PRR27: variants seen among roughly 807,000 people sequenced by gnomAD.
PRR27 encodes proline rich 27, also known as proline-rich protein 27.
Under a neutral mutation model 16.8 loss-of-function variants are expected in PRR27, and 12 were observed. The observed-to-expected ratio is 0.71, with a 90% CI of 0.46 to 1.16. The LOEUF is 1.16. Ranked by LOEUF, PRR27 falls within the 50% of genes most tolerant of loss-of-function variation. The pLI, the probability that PRR27 is intolerant of heterozygous loss-of-function variation, is 0.00. For synonymous variants in PRR27, 100 were observed against 98.4 expected (o/e 1.02, Z -0.10); for missense variants, 277 against 273.3 (o/e 1.01, Z -0.10).
chr4:70,156,755 AG>A (rs1728490862), intron 2 of PRR27, among the ~76,000 whole-genome samples: 1 of 152,200 alleles, frequency 6.6e-6, no homozygotes. Context: ...AAAGCTCAAG[AG>A]ACATAATCTG....
In PRR27 at chr4:70,165,921, T is replaced by C. The variant is rs545680494; in HGVS notation, c.*3260T>C. 6.6e-6 allele frequency: 1 copy of C among 152,240 alleles called. No individual in the cohort carries two copies. Among genetic ancestry groups the C allele is most frequent in the Admixed American group, 6.5e-5 (1 of 15,270 alleles). The allele number at this position is 152,240 out of a possible 1,614,324, so 9.4% of individuals were successfully genotyped here. On this transcript the variant is annotated 3_prime_UTR_variant, in exon 5 of 5. Transcript: ENST00000344526. ...ACTATACATCCTTTCTTCTATTTCTTTCTTTTGTGGCCAGAAAGTCAGGAC... is the reference window on the plus strand; with the variant it reads ...ACTATACATCCTTTCTTCTATTTCTCTCTTTTGTGGCCAGAAAGTCAGGAC...
intron 1 of PRR27, chr4:70,154,778 T>A: frequency 6.9e-6 from 9 of 1,312,072 alleles, no homozygotes; most frequent in Non-Finnish European, 9.0e-6. Context: ...GGCTGTGAAG[T>A]GCCATTGCTG....
chr4:70,158,417 A>G lies in PRR27; in HGVS notation c.165A>G (p.Pro55=). The G allele has an allele frequency of 6.2e-7, 1 of 1,613,898 alleles. No individual in the cohort carries two copies. The highest frequency in any genetic ancestry group is 8.5e-7 in the Non-Finnish European group (1 of 1,179,860). The change falls in exon 3 of 5, where the codon CCA becomes CCG. Residue 55 remains proline (P), a synonymous_variant. Coordinates refer to ENST00000344526, the MANE Select transcript of PRR27 (RefSeq NM_214711.4). ...TACCACCTCCTCTTTATTATCGCCC[A>G]GTGAATACAGTCCCCAGTTACCCTG... The part of the protein sequence containing the change: ...RNLPPPLYYR[P]VNTVPSYPGN...
chr4:70,155,027 T>C (rs781319220), intron 1 of PRR27, among the ~76,000 whole-genome samples: 6 of 152,172 alleles, frequency 3.9e-5, no homozygotes, highest in Non-Finnish European at 7.4e-5. Flanking sequence ...ATAACATTGT[T>C]TTAAAGATTT....
Position 70,162,804 on chromosome 4 carries a change from G to A in PRR27, c.*143G>A, listed in dbSNP as rs1275460943. The A allele has an allele frequency of 6.6e-6, 1 of 151,858 alleles. No homozygotes were observed. The highest frequency in any genetic ancestry group is 1.5e-5 in the Non-Finnish European group (1 of 67,982). 9.4% of individuals were successfully genotyped at this position (151,858 alleles called of 1,614,324 possible). A position where few individuals can be genotyped will look rare whatever the true frequency, so the allele number is the denominator to read the frequency against. On this transcript the variant is annotated 3_prime_UTR_variant, in exon 5 of 5. Coordinates refer to ENST00000344526, the MANE Select transcript of PRR27 (RefSeq NM_214711.4). ...ATCTCACTACATTGATTTGTTTGTG[G>A]TAGTTTTTCCTTGGACTTAATTTAT...
intron 2 of PRR27, among the ~76,000 whole-genome samples, chr4:70,157,400 A>T (rs538863312): frequency 6.6e-6 from 1 of 151,042 alleles, no homozygotes; most frequent in African/African-American, 2.4e-5. Context: ...ACCCTGAGGG[A>T]CAATCTACAT....
chr4:70,156,229 G>A, intron 2 of PRR27, 152 bp downstream of exon 2: 3 of 449,324 alleles, frequency 6.7e-6, no homozygotes, highest in Non-Finnish European at 1.2e-5. Flanking sequence ...CGATTTGATA[G>A]AAAATATTTA....
chr4:70,158,235 T>A lies in PRR27; in HGVS notation c.76-93T>A, dbSNP rs564856221. The A allele has an allele frequency of 5.0e-6, 4 of 795,116 alleles. No individual in the cohort carries two copies. The Admixed American group carries it at 6.9e-5, about 14-fold the overall frequency. The allele number at this position is 795,116 out of a possible 1,614,324, so 49.3% of individuals were successfully genotyped here. A position where few individuals can be genotyped will look rare whatever the true frequency, so the allele number is the denominator to read the frequency against. On this transcript the variant is annotated intron_variant, in intron 2 of 4. Transcript: ENST00000344526. ...AAGACATTGGAATTCTTTCAAAATA[T>A]CATTACTTATCATATATCATCACAG...
chr4:70,159,160 T>C lies in PRR27; in HGVS notation c.648+260T>C, dbSNP rs1728575313. On this transcript the variant is annotated intron_variant, in intron 3 of 4. Coordinates refer to ENST00000344526, the MANE Select transcript of PRR27 (RefSeq NM_214711.4). ...AGTCAAAAGTTTCCTCCTGTTCCTC[T>C]GTAATCCCACATTCCCCATCCTCCC... 2.6e-5 allele frequency among the ~76,000 whole-genome samples: 4 copies of C among 152,190 alleles called. No homozygotes were observed. In the South Asian group the frequency reaches 8.3e-4, roughly 31 times the overall value.
At chr4:70,160,443 C>CTGTGTGTGTGTGTGTGTGTGTGTGTG (rs71210150) in intron 3 of PRR27, among the ~76,000 whole-genome samples, 3 of 68,678 alleles carry the variant, frequency 4.4e-5, no homozygotes, top group African/African-American at 1.5e-4. Flanking sequence ...CTCTCTCTCT[C>CTGTGTGTGTGTGTGTGTGTGTGTGTG]TGTGTGTGTG....
At chr4:70,154,614 G>A (rs1000849262) in intron 1 of PRR27, 188 bp downstream of exon 1, 4 of 833,422 alleles carry the variant, frequency 4.8e-6, no homozygotes, top group Admixed American at 2.3e-5. Flanking sequence ...TAAAGTTGTA[G>A]TATCTGAAAA....
rs557085950 is a variant in PRR27, at chr4:70,160,979, T to C, written c.649-607T>C. ...TTGTTACCTAGAAGGAGATAAGAACTCTTTTTCTTTTAAGATATTCACCAA... is the reference window on the plus strand; with the variant it reads ...TTGTTACCTAGAAGGAGATAAGAACCCTTTTTCTTTTAAGATATTCACCAA... On this transcript the variant is annotated intron_variant, in intron 3 of 4. Transcript: ENST00000344526. 9.1e-4 allele frequency among the ~76,000 whole-genome samples: 138 copies of C among 151,880 alleles called. 3 individuals are homozygous for C. The South Asian group carries it at 0.028, about 31-fold the overall frequency.
At position 70,164,088 on chromosome 4, in the gene PRR27, T is replaced by C. The variant is rs1728709093; in HGVS notation, c.*1427T>C. 1 of 152,170 alleles carries C rather than the reference T, an allele frequency of 6.6e-6. No homozygotes were observed. The highest frequency in any genetic ancestry group is 1.5e-5 in the Non-Finnish European group (1 of 68,026). The allele number at this position is 152,170 out of a possible 1,614,324, so 9.4% of individuals were successfully genotyped here. On this transcript the variant is annotated 3_prime_UTR_variant, in exon 5 of 5. Coordinates refer to ENST00000344526, the MANE Select transcript of PRR27 (RefSeq NM_214711.4). ...TTTTTGTTCTATTACTGACTTCTTT[T>C]CCTTGTAGAAGTTACTATTACTGCT...
At chr4:70,162,595 A>T (rs1335629551) in intron 4 of PRR27, 100 bp from the exon 5 acceptor site, 1 of 152,178 alleles carries the variant, frequency 6.6e-6, no homozygotes, top group Non-Finnish European at 1.5e-5. Context: ...GTCTTTTTGA[A>T]ATAACATTAA....
In PRR27 at chr4:70,158,587, TC is replaced by T; in HGVS notation, c.338del (p.Pro113LeufsTer32). The stretch of plus-strand genomic sequence containing the variant: ...CTCCCTCCTAGGGGTTTCCCGTTTG[TC>T]CCTCCTTCAAGGTTTTTTTCAGCAG... ...PPLPPRGFPFVPPSRFFSAAA... is the reference protein window; with the variant it reads ...PPLPPRGFPFXPPSRFFSAAA... On this transcript the variant is annotated frameshift_variant, in exon 3 of 5. Transcript: ENST00000344526. LOFTEE classifies it high-confidence loss of function. The T allele has an allele frequency of 6.2e-7, 1 of 1,614,128 alleles. No homozygotes were observed. Among genetic ancestry groups the T allele is most frequent in the Non-Finnish European group, 8.5e-7 (1 of 1,180,018 alleles).
chr4:70,159,023 A>G (rs1728570627), intron 3 of PRR27, 123 bp downstream of exon 3: 3 of 861,484 alleles, frequency 3.5e-6, no homozygotes, highest in African/African-American at 1.7e-5. Context: ...CTTTATTCAG[A>G]TACAATTGAC....
chr4:70,154,264 G>C lies in PRR27; in HGVS notation c.-112G>C, dbSNP rs1753360431. ...GGGTCTTCCTAGACAGACTAAAAAA[G>C]CCATGTATTCTTTCGTTTCTCTCTA... On this transcript the variant is annotated 5_prime_UTR_variant, in exon 1 of 5. Transcript: ENST00000344526. 1 of 875,458 alleles carries C rather than the reference G, an allele frequency of 1.1e-6. No homozygotes were observed. The highest frequency in any genetic ancestry group is 1.7e-5 in the African/African-American group (1 of 58,722). The allele number at this position is 875,458 out of a possible 1,614,324, so 54.2% of individuals were successfully genotyped here.
In PRR27 at chr4:70,166,510, A is replaced by G. The variant is rs1312759185; in HGVS notation, c.*3849A>G. ...TATGTCGATAAGTTACAAAATCCAT[A>G]TATGAGTATGACACCAATAAGAACA... On this transcript the variant is annotated 3_prime_UTR_variant, in exon 5 of 5. Transcript: ENST00000344526. 6.6e-6 allele frequency: 1 copy of G among 152,146 alleles called. No individual in the cohort carries two copies. Among genetic ancestry groups the G allele is most frequent in the Admixed American group, 6.6e-5 (1 of 15,254 alleles). The allele number at this position is 152,146 out of a possible 1,614,324, so 9.4% of individuals were successfully genotyped here. A position where few individuals can be genotyped will look rare whatever the true frequency, so the allele number is the denominator to read the frequency against.
chr4:70,158,948 G>A (rs1281686461), intron 3 of PRR27, 48 bp downstream of exon 3: 5 of 1,219,352 alleles, frequency 4.1e-6, no homozygotes, highest in African/African-American at 1.6e-5. Flanking sequence ...AATGAGATTT[G>A]TAGAAGGGGA....
Sources: allele counts gnomAD v4.1 joint callset (sites outside exome capture counted in the v4.1 genomes callset), GRCh38; gene constraint gnomAD v4.1.1; transcripts MANE v1.5; gene names NCBI Gene and HGNC (gene_info 2026-07-23, HGNC 2026-07-21).